TTC28: variants seen among roughly 807,000 people sequenced by gnomAD.
The protein encoded by TTC28 is tetratricopeptide repeat domain 28.
In TTC28, 61 loss-of-function variants were observed where a neutral mutation model predicts 198.0. The observed-to-expected ratio is 0.31, with a 90% CI of 0.25 to 0.38. The LOEUF (loss-of-function observed/expected upper bound fraction) is 0.38, where lower values mean the gene tolerates loss of function less well. Ranked by LOEUF, TTC28 falls within the 10% of genes least tolerant of loss-of-function variation. The probability of loss-of-function intolerance (pLI) is 1.00; values close to 1 mark genes in which losing one functional copy is unlikely to be tolerated. For missense variants in TTC28, 2,678 were observed against 3,164.0 expected (o/e 0.85, Z 3.69); for synonymous variants, 1,171 against 1,297.8 (o/e 0.90, Z 2.10).
intron 5 of TTC28, among the ~76,000 whole-genome samples, chr22:28,165,090 G>A (rs1026526719): frequency 7.9e-5 from 12 of 152,136 alleles, no homozygotes; most frequent in Non-Finnish European, 1.6e-4. Context: ...GATGGAAGAC[G>A]AAATGAATGA....
At chr22:28,441,674 C>T (rs558019689) in intron 2 of TTC28, among the ~76,000 whole-genome samples, 1 of 152,248 alleles carries the variant, frequency 6.6e-6, no homozygotes, top group South Asian at 2.1e-4. Context: ...TCATGCACCT[C>T]ACACATGATT....
chr22:28,033,664 C>T (rs1939220582), intron 12 of TTC28, among the ~76,000 whole-genome samples: 1 of 152,170 alleles, frequency 6.6e-6, no homozygotes, highest in Admixed American at 6.5e-5. Flanking sequence ...GTTTCTTATT[C>T]TTGTTTTGAT....
At chr22:28,606,092 TTTG>T (rs1279921242) in intron 2 of TTC28, among the ~76,000 whole-genome samples, 4 of 150,714 alleles carry the variant, frequency 2.7e-5, no homozygotes, top group Non-Finnish European at 3.0e-5. Context: ...ACTTTTTTTT[TTTG>T]TTTTTTGAGA....
At chr22:28,300,158 G>A (rs1316800324) in intron 3 of TTC28, among the ~76,000 whole-genome samples, 1 of 152,172 alleles carries the variant, frequency 6.6e-6, no homozygotes, top group Non-Finnish European at 1.5e-5. Context: ...TGAACCTTTA[G>A]CTTCTGATTC....
intron 2 of TTC28, among the ~76,000 whole-genome samples, chr22:28,308,739 C>T (rs916243841): frequency 2.0e-5 from 3 of 152,108 alleles, no homozygotes; most frequent in Non-Finnish European, 4.4e-5. Flanking sequence ...ACCATGCCTC[C>T]CACAATCTTG....
intron 2 of TTC28, among the ~76,000 whole-genome samples, chr22:28,485,964 TA>T (rs1043746184): frequency 2.6e-4 from 39 of 152,080 alleles, no homozygotes; most frequent in African/African-American, 8.4e-4. Flanking sequence ...TTGATAAATT[TA>T]AGTAAGGAGC....
intron 2 of TTC28, among the ~76,000 whole-genome samples, chr22:28,465,991 C>T (rs35286648): frequency 0.048 from 7,380 of 152,232 alleles, 256 homozygotes; most frequent in African/African-American, 0.094. Context: ...ATCCCACTGA[C>T]CAGAATTTCA....
At chr22:28,188,703 T>C (rs1226930859) in intron 5 of TTC28, among the ~76,000 whole-genome samples, 1 of 152,172 alleles carries the variant, frequency 6.6e-6, no homozygotes, top group Non-Finnish European at 1.5e-5. Context: ...CCTTCTCACA[T>C]TACAAGCCCC....
chr22:28,564,636 A>C (rs964974810), intron 2 of TTC28, among the ~76,000 whole-genome samples: 1 of 151,798 alleles, frequency 6.6e-6, no homozygotes. Flanking sequence ...GTGCATTGAG[A>C]ATAGTGGCTC....
chr22:28,614,434 GA>G (rs1170990329), intron 2 of TTC28, among the ~76,000 whole-genome samples: 1 of 152,068 alleles, frequency 6.6e-6, no homozygotes, highest in Non-Finnish European at 1.5e-5. Flanking sequence ...CACAGAATTA[GA>G]AAAAACTACT....
intron 2 of TTC28, among the ~76,000 whole-genome samples, chr22:28,421,216 T>C (rs754374616): frequency 6.6e-5 from 10 of 152,196 alleles, no homozygotes; most frequent in Non-Finnish European, 1.3e-4. Context: ...TAATGTACAG[T>C]ACCCAATTCT....
intron 1 of TTC28, among the ~76,000 whole-genome samples, chr22:28,670,508 G>C (rs996809034): frequency 6.6e-6 from 1 of 151,906 alleles, no homozygotes; most frequent in African/African-American, 2.4e-5. Flanking sequence ...TCATGCCTCA[G>C]TACTTCTTCC....
At chr22:28,199,548 T>TATATATATATAC (rs60177369) in intron 5 of TTC28, among the ~76,000 whole-genome samples, 3 of 147,434 alleles carry the variant, frequency 2.0e-5, no homozygotes, top group East Asian at 2.0e-4. Flanking sequence ...TATATATATA[T>TATATATATATAC]ACACACAAAC....
At chr22:28,024,063 C>A (rs8135679) in intron 13 of TTC28, among the ~76,000 whole-genome samples, 1 of 151,768 alleles carries the variant, frequency 6.6e-6, no homozygotes, top group Non-Finnish European at 1.5e-5. Flanking sequence ...GTGCCTGTAC[C>A]TACTTAACAC....
chr22:28,033,841 C>T (rs1366047949), intron 12 of TTC28, among the ~76,000 whole-genome samples: 5 of 152,208 alleles, frequency 3.3e-5, no homozygotes, highest in African/African-American at 1.2e-4. Context: ...ACCAGTACAT[C>T]CCAGACACTC....
chr22:28,584,796 G>A (rs1285200549), intron 2 of TTC28, among the ~76,000 whole-genome samples: 1 of 152,166 alleles, frequency 6.6e-6, no homozygotes, highest in Non-Finnish European at 1.5e-5. Flanking sequence ...TTTACATTTA[G>A]AAAGCTTTCT....
chr22:28,255,441 GGGAGGCGAGGTGGGT>G (rs1930830464), intron 5 of TTC28, among the ~76,000 whole-genome samples: 2 of 152,036 alleles, frequency 1.3e-5, no homozygotes, highest in East Asian at 3.9e-4. Context: ...CCAGCACTTC[GGGAGGCGAGGTGGGT>G]GGATCACCTG....
chr22:28,199,170 A>G (rs1306314366), intron 5 of TTC28, among the ~76,000 whole-genome samples: 1 of 151,910 alleles, frequency 6.6e-6, no homozygotes. Flanking sequence ...GAACATGTAC[A>G]AAGATATTTA....
At chr22:28,257,485 A>C (rs1023216004) in intron 5 of TTC28, among the ~76,000 whole-genome samples, 3 of 151,954 alleles carry the variant, frequency 2.0e-5, no homozygotes, top group Non-Finnish European at 4.4e-5. Context: ...CATTAAGTGA[A>C]ATTAGCCAAG....
Sources: gnomAD v4.1 joint callset for allele counts (sites outside exome capture counted in the v4.1 genomes callset) on GRCh38, gnomAD v4.1.1 for gene constraint, MANE v1.5 for transcripts, NCBI Gene and HGNC (gene_info 2026-07-23, HGNC 2026-07-21) for gene names.